Variants in ORC1 observed in about 807,000 individuals in gnomAD.
ORC1 encodes the protein origin recognition complex, subunit 1 homolog.
In ORC1, 61 loss-of-function variants were observed where a neutral mutation model predicts 98.9. The observed-to-expected ratio is 0.62, with a 90% CI of 0.50 to 0.76. The LOEUF (loss-of-function observed/expected upper bound fraction) is 0.76, where lower values mean the gene tolerates loss of function less well. Ranked by LOEUF, ORC1 falls within the 30% of genes least tolerant of loss-of-function variation. The pLI is 0.00. For synonymous variants in ORC1, 385 were observed against 406.9 expected (o/e 0.95, Z 0.65); for missense variants, 979 against 1,072.2 (o/e 0.91, Z 1.21).
chr1:52,384,551 T>C lies in ORC1; in HGVS notation c.1754A>G (p.Gln585Arg). Residue 585 changes from glutamine to arginine, a missense_variant and splice_region_variant, in exon 11 of 17, where the codon CAG becomes CGG. By Grantham distance (43) the Gln-to-Arg change is conservative (BLOSUM62 1). Coordinates refer to ENST00000371568, the MANE Select transcript of ORC1 (RefSeq NM_004153.4). ...EPHQVYVQILQKLTGQKATAN... is the reference protein window; with the variant it reads ...EPHQVYVQILRKLTGQKATAN... ...AAAAGCCTAAACAGCTCTGCTTACC[T>C]GCAAGATTTGCACATAGACTTGGTG... 6.2e-7 allele frequency: 1 copy of C among 1,613,946 alleles called. No homozygotes were observed. Among genetic ancestry groups the C allele is most frequent in the East Asian group, 2.2e-5 (1 of 44,890 alleles).
chr1:52,400,450 C>T (rs1647651458), intron 3 of ORC1, among the ~76,000 whole-genome samples: 1 of 152,130 alleles, frequency 6.6e-6, no homozygotes, highest in South Asian at 2.1e-4. Flanking sequence ...TGGTTGTTGT[C>T]AGGTAACTGA....
At chr1:52,397,428 G>A (rs1400140135) in intron 4 of ORC1, among the ~76,000 whole-genome samples, 2 of 152,252 alleles carry the variant, frequency 1.3e-5, no homozygotes, top group Non-Finnish European at 2.9e-5. Context: ...ACATCCCCCT[G>A]AGATACATCT....
chr1:52,404,666 T>C (rs1276386189), upstream of ORC1: 2 of 1,468,274 alleles, frequency 1.4e-6, no homozygotes, highest in East Asian at 2.3e-5. Flanking sequence ...CTTCCACCTT[T>C]CTCCATTCCT....
upstream of ORC1, among the ~76,000 whole-genome samples, chr1:52,409,325 T>C (rs978765502): frequency 4.6e-5 from 7 of 152,172 alleles, no homozygotes; most frequent in Non-Finnish European, 1.0e-4. Flanking sequence ...GGTTAAGAAT[T>C]TGGGGCCAAG....
At chr1:52,378,234 A>G (rs1207110544) in intron 14 of ORC1, among the ~76,000 whole-genome samples, 1 of 151,926 alleles carries the variant, frequency 6.6e-6, no homozygotes, top group East Asian at 1.9e-4. Flanking sequence ...TAGTCCTGCT[A>G]CTCAGGAGAC....
At chr1:52,387,263 C>T (rs1484780862) in intron 8 of ORC1, among the ~76,000 whole-genome samples, 5 of 152,068 alleles carry the variant, frequency 3.3e-5, no homozygotes, top group South Asian at 2.1e-4. Context: ...AATCCTATTG[C>T]GAACTGTGTG....
rs771676941 is a variant in ORC1, at chr1:52,385,883, G to C, written c.1450C>G (p.Pro484Ala). The C allele has an allele frequency of 9.9e-6, 16 of 1,613,574 alleles. No individual in the cohort carries two copies. Among genetic ancestry groups the C allele is most frequent in the Non-Finnish European group, 1.4e-5 (16 of 1,179,884 alleles). ...CGGGCTTCCTCCAGCACACTGGCTG[G>C]CTCCTGGGCAGCCAGGCTTCGACTA... ...IRSRSLAAQE[P>A]ASVLEEARLR... The change falls in exon 9 of 17, where the codon CCA becomes GCA. Residue 484 changes from proline (P) to alanine (A), a missense_variant. Coordinates refer to ENST00000371568, the MANE Select transcript of ORC1 (RefSeq NM_004153.4).
Position 52,385,962 on chromosome 1 carries a change from C to T in ORC1, c.1384-13G>A. ...TTCTAGGCTTGAGCTGTATTGAAAA[C>T]AAAGAACATATTTCACAAGGAAAAA... On this transcript the variant is annotated splice_polypyrimidine_tract_variant and intron_variant, in intron 8 of 16. Coordinates refer to ENST00000371568, the MANE Select transcript of ORC1 (RefSeq NM_004153.4). 1 of 1,603,192 alleles carries T rather than the reference C, an allele frequency of 6.2e-7. No individual in the cohort carries two copies. Among genetic ancestry groups the T allele is most frequent in the Non-Finnish European group, 8.5e-7 (1 of 1,171,276 alleles).
intron 1 of ORC1, among the ~76,000 whole-genome samples, chr1:52,402,709 G>A (rs1025498672): frequency 2.6e-5 from 4 of 152,156 alleles, no homozygotes; most frequent in Admixed American, 1.3e-4. Context: ...TGAGGTGGGT[G>A]GATCACCTGA....
At chr1:52,382,807 T>C (rs1294574419) in intron 13 of ORC1, among the ~76,000 whole-genome samples, 1 of 152,052 alleles carries the variant, frequency 6.6e-6, no homozygotes, top group African/African-American at 2.4e-5. Context: ...CTCGAACTCC[T>C]GACCTCAGGT....
intron 2 of ORC1, 149 bp downstream of exon 2, chr1:52,401,980 T>C: frequency 2.7e-6 from 2 of 728,454 alleles, no homozygotes; most frequent in Non-Finnish European, 4.9e-6. Context: ...CACCATCTTC[T>C]TGCATCAAAC....
intron 14 of ORC1, among the ~76,000 whole-genome samples, chr1:52,379,152 A>T (rs1271581525): frequency 6.6e-6 from 1 of 152,180 alleles, no homozygotes; most frequent in Non-Finnish European, 1.5e-5. Flanking sequence ...TCCAAGAACA[A>T]ATCTAAGTTA....
At chr1:52,404,602 A>T, upstream of ORC1, 1 of 786,940 alleles carries the variant, frequency 1.3e-6, no homozygotes, top group Non-Finnish European at 2.0e-6. Flanking sequence ...GAAGCCCTTT[A>T]CACTACGGTG....
chr1:52,395,464 T>C (rs1469905314), intron 5 of ORC1, among the ~76,000 whole-genome samples: 3 of 152,170 alleles, frequency 2.0e-5, no homozygotes, highest in African/African-American at 7.2e-5. Flanking sequence ...ATTATATTAA[T>C]GTTTCACATA....
At chr1:52,389,425 T>C (rs967145952) in intron 6 of ORC1, 104 bp from the exon 7 acceptor site, 1 of 780,428 alleles carries the variant, frequency 1.3e-6, no homozygotes, top group Non-Finnish European at 2.3e-6. Flanking sequence ...CCAGTCTTTT[T>C]ATATATACTT....
chr1:52,377,684 T>C (rs984149448), intron 14 of ORC1, among the ~76,000 whole-genome samples: 7 of 144,642 alleles, frequency 4.8e-5, no homozygotes, highest in Admixed American at 3.5e-4. Flanking sequence ...ATGGTAACAG[T>C]TGGTAGTGCC....
intron 5 of ORC1, 105 bp downstream of exon 5, chr1:52,395,941 T>G: frequency 1.3e-6 from 2 of 1,545,494 alleles, no homozygotes; most frequent in South Asian, 2.4e-5. Context: ...TTCCAGGCTA[T>G]AGTGCACTGT....
At chr1:52,378,594 G>A (rs1044954814) in intron 14 of ORC1, among the ~76,000 whole-genome samples, 4 of 151,740 alleles carry the variant, frequency 2.6e-5, no homozygotes, top group African/African-American at 9.7e-5. Flanking sequence ...AACCTGGGAG[G>A]CGGAGGTTGC....
chr1:52,374,667 A>G, intron 16 of ORC1, 143 bp downstream of exon 16: 1 of 699,240 alleles, frequency 1.4e-6, no homozygotes, highest in South Asian at 1.5e-5. Context: ...ACAAAATGTC[A>G]CATTAAAATA....
Sources: allele counts gnomAD v4.1 joint callset (sites outside exome capture counted in the v4.1 genomes callset), GRCh38; gene constraint gnomAD v4.1.1; transcripts MANE v1.5; gene names NCBI Gene and HGNC (gene_info 2026-07-23, HGNC 2026-07-21).